IL1RAPL1: variants seen among roughly 807,000 people sequenced by gnomAD.
IL1RAPL1 encodes the protein interleukin-1 receptor accessory protein-like 1.
Under a neutral mutation model 48.4 loss-of-function variants are expected in IL1RAPL1, and 3 were observed. The observed-to-expected ratio is 0.06, with a 90% CI of 0.03 to 0.16. IL1RAPL1 has a LOEUF of 0.16. Among genes scored for constraint, IL1RAPL1 ranks in the 10% least tolerant of loss-of-function variants. The pLI, the probability that IL1RAPL1 is intolerant of heterozygous loss-of-function variation, is 1.00. For synonymous variants in IL1RAPL1, 185 were observed against 187.7 expected, an observed-to-expected ratio of 0.99 and a Z score of 0.12; for missense variants, 349 against 530.6, an observed-to-expected ratio of 0.66 and a Z score of 3.36.
At chrX:28,779,660 A>G (rs1299556132) in intron 1 of IL1RAPL1, among the ~76,000 whole-genome samples, 8 of 88,348 alleles carry the variant, frequency 9.1e-5, no homozygotes, top group East Asian at 6.9e-4. Flanking sequence ...ATATATATAT[A>G]TATATATATA....
At chrX:28,591,760 C>T (rs1187107554) in intron 1 of IL1RAPL1, among the ~76,000 whole-genome samples, 2 of 110,976 alleles carry the variant, frequency 1.8e-5, no homozygotes, top group East Asian at 2.8e-4. Context: ...TCAGAGGGCT[C>T]GAAACTGTAC....
In IL1RAPL1 at chrX:29,680,323, G is replaced by A. The variant is rs769223389; in HGVS notation, c.778+11819G>A. Among the ~76,000 whole-genome samples, 6 of 111,783 alleles carry A rather than the reference G, an allele frequency of 5.4e-5. No individual in the cohort carries two copies. In the East Asian group the frequency reaches 1.1e-3, roughly 21 times the overall value. On this transcript the variant is annotated intron_variant, in intron 6 of 10. Coordinates refer to ENST00000378993, the MANE Select transcript of IL1RAPL1 (RefSeq NM_014271.4). ...GAGGGCATACAGGGTGAAGGAATAC[G>A]TTGCTCAGTTCTTCTAACCAGGAGG... is the stretch of plus-strand genomic sequence containing the variant.
chrX:29,631,946 A>C (rs1890256703), intron 5 of IL1RAPL1, among the ~76,000 whole-genome samples: 1 of 111,873 alleles, frequency 8.9e-6, no homozygotes, highest in Admixed American at 9.5e-5. Flanking sequence ...CACTGCCTTG[A>C]TCTTTCCGAG....
chrX:29,298,454 A>G (rs186513697), intron 3 of IL1RAPL1, among the ~76,000 whole-genome samples: 136 of 111,757 alleles, frequency 1.2e-3, no homozygotes, highest in African/African-American at 4.0e-3. Flanking sequence ...CGAAAAAAAT[A>G]ATTTGAAGGA....
At chrX:29,760,957 T>C (rs887793845) in intron 6 of IL1RAPL1, among the ~76,000 whole-genome samples, 6 of 111,829 alleles carry the variant, frequency 5.4e-5, no homozygotes, top group African/African-American at 9.8e-5. Context: ...ATAACATTTG[T>C]AAGCCTATCA....
At chrX:29,572,601 T>C (rs1922630219) in intron 5 of IL1RAPL1, among the ~76,000 whole-genome samples, 1 of 112,537 alleles carries the variant, frequency 8.9e-6, no homozygotes, top group Non-Finnish European at 1.9e-5. Context: ...CAGCATCTTC[T>C]AGATTTTACA....
rs553604105 is a variant in IL1RAPL1 at position 29,205,166 on chromosome X, C to T, written c.83-77772C>T. ...CCATAGACCAAGGTTGAGGCCTAGC[C>T]GAGGAGAGAGTTCAGAGGAGACTGA... On this transcript the variant is annotated intron_variant, in intron 2 of 10. Coordinates refer to ENST00000378993, the MANE Select transcript of IL1RAPL1 (RefSeq NM_014271.4). Among the ~76,000 whole-genome samples, 7 of 111,166 alleles carry T rather than the reference C, an allele frequency of 6.3e-5. No individual in the cohort carries two copies. In the South Asian group the frequency reaches 2.6e-3, roughly 41 times the overall value.
At chrX:29,464,239 C>T (rs1017054673) in intron 5 of IL1RAPL1, among the ~76,000 whole-genome samples, 2 of 111,707 alleles carry the variant, frequency 1.8e-5, no homozygotes, top group Admixed American at 1.9e-4. Context: ...AGCCTATCTA[C>T]CATGAGACTT....
intron 6 of IL1RAPL1, among the ~76,000 whole-genome samples, chrX:29,718,983 G>A (rs1927559117): frequency 8.9e-6 from 1 of 112,254 alleles, no homozygotes; most frequent in East Asian, 2.8e-4. Flanking sequence ...TTTCAAGTTA[G>A]TAACCCTTCG....
intron 5 of IL1RAPL1, among the ~76,000 whole-genome samples, chrX:29,665,440 G>C (rs1234058976): frequency 8.9e-6 from 1 of 112,588 alleles, no homozygotes; most frequent in African/African-American, 3.2e-5. Context: ...TGTTCATCTT[G>C]ATTGGCCATT....
chrX:29,906,376 A>G (rs1932620747), intron 6 of IL1RAPL1, among the ~76,000 whole-genome samples: 1 of 97,243 alleles, frequency 1.0e-5, no homozygotes, highest in East Asian at 3.4e-4. Flanking sequence ...ATAAAAAAGC[A>G]GGAATCCAAT....
At chrX:29,483,940 G>A (rs1413250215) in intron 5 of IL1RAPL1, among the ~76,000 whole-genome samples, 11 of 105,486 alleles carry the variant, frequency 1.0e-4, no homozygotes, top group African/African-American at 1.7e-4. Flanking sequence ...CAATCCACCC[G>A]CTTTGGCTTC....
intron 6 of IL1RAPL1, among the ~76,000 whole-genome samples, chrX:29,857,999 G>A (rs1469218353): frequency 8.9e-6 from 1 of 111,796 alleles, no homozygotes; most frequent in Non-Finnish European, 1.9e-5. Flanking sequence ...TTGCTTTCAG[G>A]AAGAAAAGGG....
intron 3 of IL1RAPL1, among the ~76,000 whole-genome samples, chrX:29,364,870 C>G (rs1017755184): frequency 3.6e-5 from 4 of 111,122 alleles, no homozygotes; most frequent in Admixed American, 9.6e-5. Context: ...CCACAGATAA[C>G]AGGGATGACT....
intron 1 of IL1RAPL1, among the ~76,000 whole-genome samples, chrX:28,723,196 G>T (rs942311977): frequency 2.7e-5 from 3 of 111,151 alleles, no homozygotes; most frequent in Non-Finnish European, 3.8e-5. Flanking sequence ...ACCTCTGGTA[G>T]AATTGGGCTG....
chrX:28,742,891 A>G (rs1429146504), intron 1 of IL1RAPL1, among the ~76,000 whole-genome samples: 2 of 111,631 alleles, frequency 1.8e-5, no homozygotes, highest in Non-Finnish European at 3.8e-5. Context: ...GTCATTACTC[A>G]ATCTTTAGGA....
intron 6 of IL1RAPL1, among the ~76,000 whole-genome samples, chrX:29,681,613 A>T (rs952237061): frequency 1.8e-5 from 2 of 112,153 alleles, no homozygotes; most frequent in Non-Finnish European, 3.8e-5. Context: ...GCACATTTCC[A>T]CTGGATATAT....
chrX:28,774,239 C>T (rs1936338390), intron 1 of IL1RAPL1, among the ~76,000 whole-genome samples: 1 of 110,680 alleles, frequency 9.0e-6, no homozygotes, highest in South Asian at 3.7e-4. Flanking sequence ...TATGTACCTG[C>T]AGATTATATT....
chrX:29,398,129 T>C (rs1269150370), intron 4 of IL1RAPL1, among the ~76,000 whole-genome samples: 1 of 112,203 alleles, frequency 8.9e-6, no homozygotes, highest in African/African-American at 3.2e-5. Flanking sequence ...TGGAATACTA[T>C]AAAATAATCA....
Sources: allele counts gnomAD v4.1 joint callset (sites outside exome capture counted in the v4.1 genomes callset), GRCh38; gene constraint gnomAD v4.1.1; transcripts MANE v1.5; gene names NCBI Gene and HGNC (gene_info 2026-07-23, HGNC 2026-07-21).